Variants in PPARD observed in about 807,000 individuals in gnomAD.
PPARD encodes peroxisome proliferator activated receptor delta, also known as peroxisome proliferator-activated receptor delta.
A neutral mutation model predicts 39.5 loss-of-function variants in PPARD; 6 were observed. The ratio of observed to expected loss-of-function variants is 0.15; its 90% CI spans 0.08 to 0.30. The LOEUF is 0.30. Among genes scored for constraint, PPARD ranks in the 10% least tolerant of loss-of-function variants. The pLI, the probability that PPARD is intolerant of heterozygous loss-of-function variation, is 1.00. For missense variants in PPARD, 397 were observed against 596.8 expected, an observed-to-expected ratio of 0.67 and a Z score of 3.49; for synonymous variants, 210 against 231.3, an observed-to-expected ratio of 0.91 and a Z score of 0.83.
chr6:35,424,792 G>A lies in PPARD; in HGVS notation c.1078+13G>A. ...ATTCTGTGTGGAGGTGAGTGAGAGT[G>A]GGGCAGGTGGGCTGGCCTGGCACAC... On this transcript the variant is annotated intron_variant, in intron 7 of 7. Coordinates refer to ENST00000360694, the MANE Select transcript of PPARD (RefSeq NM_006238.5). The surrounding 1 kb of genome is among the most constrained non-coding windows in gnomAD (Gnocchi z 7.1). The A allele has an allele frequency of 6.2e-7, 1 of 1,609,654 alleles. No homozygotes were observed. Among genetic ancestry groups the A allele is most frequent in the Non-Finnish European group, 8.5e-7 (1 of 1,176,864 alleles).
At chr6:35,358,569 CAT>C (rs1295550236) in intron 2 of PPARD, among the ~76,000 whole-genome samples, 2 of 152,178 alleles carry the variant, frequency 1.3e-5, no homozygotes, top group Admixed American at 1.3e-4. Flanking sequence ...ACAAGGAGAG[CAT>C]AGGCCCAGCA....
intron 2 of PPARD, among the ~76,000 whole-genome samples, chr6:35,384,878 G>A (rs536067397): frequency 8.4e-6 from 1 of 119,516 alleles, no homozygotes; most frequent in South Asian, 2.7e-4. Flanking sequence ...CGTCTGGGAG[G>A]TGAGGGGCGC....
intron 2 of PPARD, among the ~76,000 whole-genome samples, chr6:35,371,512 C>G (rs1225076631): frequency 6.6e-6 from 1 of 152,206 alleles, no homozygotes; most frequent in African/African-American, 2.4e-5. Flanking sequence ...ATCTTTGTCT[C>G]TGCTCTTTGC....
Position 35,401,997 on chromosome 6 carries a change from T to C in PPARD, c.-101-8990T>C, listed in dbSNP as rs1257598805. 2.0e-5 allele frequency among the ~76,000 whole-genome samples: 3 copies of C among 152,036 alleles called. No homozygotes were observed. Among genetic ancestry groups the C allele is most frequent in the African/African-American group, 7.2e-5 (3 of 41,400 alleles). The stretch of plus-strand genomic sequence containing the variant: ...GTAGTGTGAGGGGTCTCAGGCCCAT[T>C]CAGGCTTCAGTAGGAGAGATCTGGG... On this transcript the variant is annotated intron_variant, in intron 2 of 7. Coordinates refer to ENST00000360694, the MANE Select transcript of PPARD (RefSeq NM_006238.5). This position sits in a 1 kb window ranked among gnomAD's most constrained non-coding sequence, Gnocchi z 4.1.
At chr6:35,367,004 G>A (rs1762239011) in intron 2 of PPARD, among the ~76,000 whole-genome samples, 1 of 152,234 alleles carries the variant, frequency 6.6e-6, no homozygotes, top group African/African-American at 2.4e-5. Context: ...ACTCAGACCT[G>A]CCTGGCTTTG....
chr6:35,387,821 A>C (rs1763764787), intron 2 of PPARD, among the ~76,000 whole-genome samples: 1 of 145,656 alleles, frequency 6.9e-6, no homozygotes, highest in Non-Finnish European at 1.5e-5. Flanking sequence ...TCTCAGGCTC[A>C]AGCGATTCTC....
rs760507227 is a variant in PPARD, at chr6:35,424,485, G to A, written c.784G>A (p.Glu262Lys). ...TTVETVRELT[E>K]FAKSIPSFSS... ...AGTGGAGACCGTGCGGGAGCTCACT[G>A]AGTTCGCCAAGAGCATCCCCAGCTT... is the stretch of plus-strand genomic sequence containing the variant. Residue 262 changes from glutamate to lysine, a missense_variant, in exon 7 of 8, where the codon GAG becomes AAG. Coordinates refer to ENST00000360694, the MANE Select transcript of PPARD (RefSeq NM_006238.5). This position sits in a 1 kb window ranked among gnomAD's most constrained non-coding sequence, Gnocchi z 7.1. 1 of 1,614,196 alleles carries A rather than the reference G, an allele frequency of 6.2e-7. No individual in the cohort carries two copies. The highest frequency in any genetic ancestry group is 8.5e-7 in the Non-Finnish European group (1 of 1,180,032).
intron 3 of PPARD, among the ~76,000 whole-genome samples, chr6:35,418,148 G>T (rs1765896579): frequency 6.6e-6 from 1 of 152,212 alleles, no homozygotes; most frequent in Non-Finnish European, 1.5e-5. Context: ...AAGCAGACGT[G>T]CAGGCCACAA....
chr6:35,354,654 T>TA (rs1562169985), intron 2 of PPARD, among the ~76,000 whole-genome samples: 1 of 152,182 alleles, frequency 6.6e-6, no homozygotes, highest in African/African-American at 2.4e-5. Context: ...TTACATGAGA[T>TA]ATTCAAAATT....
chr6:35,375,171 C>CCATGT (rs1431088857), intron 2 of PPARD, among the ~76,000 whole-genome samples: 4 of 149,334 alleles, frequency 2.7e-5, no homozygotes, highest in East Asian at 3.9e-4. Context: ...TTAGTACTTT[C>CCATGT]CATGTATTTC....
chr6:35,392,400 T>C (rs73413718), intron 2 of PPARD, among the ~76,000 whole-genome samples: 31,203 of 151,718 alleles, frequency 0.21, 6,627 homozygotes, highest in African/African-American at 0.54. Context: ...CAGAGGTGAG[T>C]TGCTGGCACC....
At chr6:35,395,707 C>T (rs1177999420) in intron 2 of PPARD, among the ~76,000 whole-genome samples, 1 of 152,122 alleles carries the variant, frequency 6.6e-6, no homozygotes, top group Non-Finnish European at 1.5e-5. Context: ...GGTCAGGATA[C>T]AGAACACCTT....
At chr6:35,370,184 C>T (rs962909837) in intron 2 of PPARD, among the ~76,000 whole-genome samples, 21 of 152,142 alleles carry the variant, frequency 1.4e-4, no homozygotes, top group Non-Finnish European at 2.9e-5. Context: ...TGTGTCCTGA[C>T]CCTGTCTGTG....
intron 2 of PPARD, among the ~76,000 whole-genome samples, chr6:35,371,246 G>C (rs1206021366): frequency 1.3e-5 from 2 of 152,154 alleles, no homozygotes; most frequent in Non-Finnish European, 2.9e-5. Flanking sequence ...GTAAATGTCT[G>C]TTCTCCCATG....
At chr6:35,410,133 G>A (rs1032744646) in intron 2 of PPARD, among the ~76,000 whole-genome samples, 7 of 152,104 alleles carry the variant, frequency 4.6e-5, no homozygotes, top group Non-Finnish European at 1.0e-4. Context: ...TTGAGCTGTC[G>A]GTAAAATATC....
In PPARD at chr6:35,425,749, C is replaced by T. The variant is rs1212592792; in HGVS notation, c.1079-83C>T. On this transcript the variant is annotated intron_variant, in intron 7 of 7. Transcript: ENST00000360694. The surrounding 1 kb of genome is among the most constrained non-coding windows in gnomAD (Gnocchi z 4.5). ...CACGGCCAAGGAGGCCTGCCGTCCCCTGGGCCAAGTCACCTCTTGGGGTGG... is the reference window on the plus strand; with the variant it reads ...CACGGCCAAGGAGGCCTGCCGTCCCTTGGGCCAAGTCACCTCTTGGGGTGG... 6.4e-6 allele frequency: 10 copies of T among 1,564,780 alleles called. No individual in the cohort carries two copies. The highest frequency in any genetic ancestry group is 7.8e-6 in the Non-Finnish European group (9 of 1,157,826).
intron 1 of PPARD, among the ~76,000 whole-genome samples, chr6:35,345,548 G>T (rs553440975): frequency 6.6e-6 from 1 of 152,290 alleles, no homozygotes; most frequent in South Asian, 2.1e-4. Flanking sequence ...AGAGCACTGA[G>T]ATTACACTGA....
At chr6:35,383,370 C>T (rs909778665) in intron 2 of PPARD, among the ~76,000 whole-genome samples, 2 of 151,976 alleles carry the variant, frequency 1.3e-5, no homozygotes, top group Non-Finnish European at 2.9e-5. Context: ...GGCGTGGTCC[C>T]GGCTCGCTAC....
intron 2 of PPARD, among the ~76,000 whole-genome samples, chr6:35,392,495 C>T (rs1764067487): frequency 1.3e-5 from 2 of 152,186 alleles, no homozygotes; most frequent in Admixed American, 1.3e-4. Flanking sequence ...GCATGGGATC[C>T]CCAGATTGGC....
Sources: allele counts gnomAD v4.1 joint callset (sites outside exome capture counted in the v4.1 genomes callset), GRCh38; gene constraint gnomAD v4.1.1; non-coding constraint Gnocchi (gnomAD v3.1); transcripts MANE v1.5; gene names NCBI Gene and HGNC (gene_info 2026-07-23, HGNC 2026-07-21).